Variants in FARS2 observed in about 807,000 individuals in gnomAD.
FARS2 encodes the protein phenylalanyl-tRNA synthetase 2, mitochondrial.
Under a neutral mutation model 46.4 loss-of-function variants are expected in FARS2, and 40 were observed. The observed-to-expected ratio is 0.86, with a 90% confidence interval of 0.67 to 1.12. The LOEUF is 1.12. Among genes scored for constraint, FARS2 ranks in the 50% most tolerant of loss-of-function variants. The probability of loss-of-function intolerance (pLI) is 0.00; values close to 1 mark genes in which losing one functional copy is unlikely to be tolerated. For missense variants in FARS2, 513 were observed against 567.9 expected (o/e 0.90, Z 0.98); for synonymous variants, 234 against 214.9 (o/e 1.09, Z -0.78).
chr6:5,430,003 T>C (rs1763071472), intron 3 of FARS2, among the ~76,000 whole-genome samples: 2 of 152,054 alleles, frequency 1.3e-5, no homozygotes, highest in Admixed American at 1.3e-4. Context: ...ATAGAAGCCA[T>C]TTTTGTCATT....
At chr6:5,275,954 C>T (rs917901042) in intron 1 of FARS2, among the ~76,000 whole-genome samples, 2 of 152,080 alleles carry the variant, frequency 1.3e-5, no homozygotes, top group African/African-American at 4.8e-5. Context: ...TTAAGAGCCC[C>T]TAGTAGTGAA....
intron 1 of FARS2, among the ~76,000 whole-genome samples, chr6:5,359,321 A>G (rs77094858): frequency 0.058 from 8,872 of 152,190 alleles, 307 homozygotes; most frequent in Middle Eastern, 0.14. Flanking sequence ...CATTACAGGC[A>G]TGAGGCATTG....
rs988969223 is a variant in FARS2 at position 5,765,658 on chromosome 6, G to T, written c.1218-5633G>T. On this transcript the variant is annotated intron_variant, in intron 6 of 6. Coordinates refer to ENST00000274680, the MANE Select transcript of FARS2 (RefSeq NM_006567.5). This position sits in a 1 kb window ranked among gnomAD's most constrained non-coding sequence, Gnocchi z 4.0. Reference sequence around the variant, plus strand: ...CTCGGGAGAACATGAGGTTCCACGTGGGGTGCGGTGTGGCTGACTTCATCG... The same window carrying T: ...CTCGGGAGAACATGAGGTTCCACGTTGGGTGCGGTGTGGCTGACTTCATCG... Among the ~76,000 whole-genome samples, 8 of 152,310 alleles carry T rather than the reference G, an allele frequency of 5.3e-5. No homozygotes were observed. Among genetic ancestry groups the T allele is most frequent in the South Asian group, 2.1e-4 (1 of 4,830 alleles).
rs149241969 is a variant in FARS2 at position 5,709,542 on chromosome 6, TA to T, written c.1218-61739del. Among the ~76,000 whole-genome samples the T allele has an allele frequency of 7.4e-4, 111 of 149,610 alleles. 2 individuals are homozygous for T. Among genetic ancestry groups the T allele is most frequent in the African/African-American group, 1.7e-3 (69 of 40,978 alleles). On this transcript the variant is annotated intron_variant, in intron 6 of 6. Transcript: ENST00000274680. Reference sequence around the variant, plus strand: ...TCCTTTAGTGTAAGGTTCCTGGATTTAAAAAAAAAATGGTTTGCACATCTTT... The same window carrying T: ...TCCTTTAGTGTAAGGTTCCTGGATTTAAAAAAAAATGGTTTGCACATCTTT...
intron 4 of FARS2, among the ~76,000 whole-genome samples, chr6:5,488,612 G>C (rs747254477): frequency 6.8e-6 from 1 of 146,118 alleles, no homozygotes; most frequent in Non-Finnish European, 1.5e-5. Flanking sequence ...GATCTCTTTT[G>C]TGAAAGAGAA....
At chr6:5,638,304 C>T (rs900559324) in intron 6 of FARS2, among the ~76,000 whole-genome samples, 4 of 152,250 alleles carry the variant, frequency 2.6e-5, no homozygotes, top group Admixed American at 2.6e-4. Context: ...GTGGCTCACG[C>T]CTGTCATCCC....
chr6:5,595,360 A>G (rs897226809), intron 5 of FARS2, among the ~76,000 whole-genome samples: 3 of 152,134 alleles, frequency 2.0e-5, no homozygotes, highest in Non-Finnish European at 2.9e-5. Flanking sequence ...ACCGCCAATC[A>G]TGTGCTCTTT....
intron 5 of FARS2, among the ~76,000 whole-genome samples, chr6:5,570,513 G>T (rs1412915941): frequency 1.3e-5 from 2 of 152,050 alleles, no homozygotes; most frequent in Non-Finnish European, 2.9e-5. Flanking sequence ...TTCCTGCATG[G>T]TTCAGATTTC....
chr6:5,710,675 C>T (rs976950310), intron 6 of FARS2, among the ~76,000 whole-genome samples: 47 of 152,206 alleles, frequency 3.1e-4, no homozygotes, highest in African/African-American at 1.1e-3. Context: ...CTGTAATTCT[C>T]AAGGCAGAGT....
chr6:5,342,111 A>G (rs932212663), intron 1 of FARS2, among the ~76,000 whole-genome samples: 1 of 152,194 alleles, frequency 6.6e-6, no homozygotes, highest in African/African-American at 2.4e-5. Context: ...AAAGTTTATA[A>G]TGCTAGCTAT....
At chr6:5,254,833 C>T in the FARS2 span, among the ~76,000 whole-genome samples, 13 of 152,172 alleles carry the variant, frequency 8.5e-5, no homozygotes, top group African/African-American at 1.4e-4. Flanking sequence ...TTTCACCTCT[C>T]GTGGGGTCCT....
Position 5,620,950 on chromosome 6 carries a change from C to T in FARS2, c.1217+7630C>T, listed in dbSNP as rs114764653. ...TTTATTTTCTCTTTCACCTGAACTA[C>T]GTAGCTGCTGATTTAGGCACCACCA... On this transcript the variant is annotated intron_variant, in intron 6 of 6. Coordinates refer to ENST00000274680, the MANE Select transcript of FARS2 (RefSeq NM_006567.5). Among the ~76,000 whole-genome samples, 654 of 152,354 alleles carry T rather than the reference C, an allele frequency of 4.3e-3. 3 individuals are homozygous for T. The highest frequency in any genetic ancestry group is 6.0e-3 in the Non-Finnish European group (411 of 68,046).
chr6:5,300,803 T>C (rs746082323), intron 1 of FARS2, among the ~76,000 whole-genome samples: 7 of 152,166 alleles, frequency 4.6e-5, no homozygotes, highest in African/African-American at 7.2e-5. Flanking sequence ...CCCAAGTTGC[T>C]GGGACTATAG....
chr6:5,487,438 T>G (rs116636247), intron 4 of FARS2, among the ~76,000 whole-genome samples: 398 of 152,348 alleles, frequency 2.6e-3, no homozygotes, highest in African/African-American at 9.2e-3. Flanking sequence ...TCAGCAACCA[T>G]GTGGCAGGTA....
At chr6:5,388,389 C>G (rs1037348276) in intron 2 of FARS2, among the ~76,000 whole-genome samples, 1 of 152,118 alleles carries the variant, frequency 6.6e-6, no homozygotes, top group Non-Finnish European at 1.5e-5. Context: ...CAATTTGACA[C>G]AAATCTTTTT....
rs1479427799 is a variant in FARS2, at chr6:5,545,271, C to T, written c.996C>T (p.Phe332=). The T allele has an allele frequency of 1.9e-6, 3 of 1,614,116 alleles. No individual in the cohort carries two copies. The highest frequency in any genetic ancestry group is 1.7e-5 in the Admixed American group (1 of 60,022). ...ACGACATCCCTGATATCCGTCTCTT[C>T]TGGTGTGAGGACGAGCGCTTCCTGA... ...ILYDIPDIRL[F]WCEDERFLKQ... Residue 332 remains phenylalanine, a synonymous_variant, in exon 5 of 7, where the codon TTC becomes TTT. Transcript: ENST00000274680.
chr6:5,326,018 G>A (rs1770352090), intron 1 of FARS2, among the ~76,000 whole-genome samples: 2 of 152,182 alleles, frequency 1.3e-5, no homozygotes, highest in Admixed American at 6.5e-5. Flanking sequence ...GTTAATGGGG[G>A]CATTTATAGG....
At chr6:5,760,898 C>T (rs932078374) in intron 6 of FARS2, among the ~76,000 whole-genome samples, 1 of 152,246 alleles carries the variant, frequency 6.6e-6, no homozygotes, top group Non-Finnish European at 1.5e-5. Context: ...CATACCATGG[C>T]CAAAGCCAGC....
chr6:5,697,878 A>G (rs1758198502), intron 6 of FARS2, among the ~76,000 whole-genome samples: 1 of 151,900 alleles, frequency 6.6e-6, no homozygotes, highest in African/African-American at 2.4e-5. Flanking sequence ...CTTAAAAGCA[A>G]CACTTGTTTT....
Sources: allele counts gnomAD v4.1 joint callset (sites outside exome capture counted in the v4.1 genomes callset), GRCh38; gene constraint gnomAD v4.1.1; non-coding constraint Gnocchi (gnomAD v3.1); transcripts MANE v1.5; gene names NCBI Gene and HGNC (gene_info 2026-07-23, HGNC 2026-07-21).